The following CDH8 variants were observed in gnomAD, a reference collection of about 807,000 sequenced individuals.
CDH8 encodes cadherin-8.
A neutral mutation model predicts 68.1 loss-of-function variants in CDH8; 17 were observed. The observed-to-expected ratio is 0.25, with a 90% CI of 0.17 to 0.37. The LOEUF is 0.37. Ranked by LOEUF, CDH8 falls within the 10% of genes least tolerant of loss-of-function variation. CDH8 has a pLI of 1.00. For missense variants in CDH8, 763 were observed against 999.3 expected, an observed-to-expected ratio of 0.76 and a Z score of 3.19; for synonymous variants, 372 against 365.1, an observed-to-expected ratio of 1.02 and a Z score of -0.21.
chr16:61,978,032 C>A (rs1172271621), intron 2 of CDH8, among the ~76,000 whole-genome samples: 3 of 152,038 alleles, frequency 2.0e-5, no homozygotes, highest in Non-Finnish European at 2.9e-5. Context: ...AGCTTTTTTT[C>A]ATCTACATTC....
At chr16:61,794,847 G>C (rs961499380) in intron 7 of CDH8, among the ~76,000 whole-genome samples, 6 of 151,970 alleles carry the variant, frequency 3.9e-5, no homozygotes, top group Non-Finnish European at 5.9e-5. Context: ...TTCATATTGA[G>C]TAGTTTATAA....
chr16:61,975,761 GA>G (rs1567553038), intron 2 of CDH8, among the ~76,000 whole-genome samples: 1 of 151,986 alleles, frequency 6.6e-6, no homozygotes. Flanking sequence ...TCCTTTTAAG[GA>G]TATTCTGTTT....
rs535967530 is a variant in CDH8, at chr16:61,765,948, C to G, written c.1414+23398G>C. ...TGCTAGCTCAGTGACCTTGAGGTAA[C>G]CATTTCCTCTCTGCATATTTCAATT... On this transcript the variant is annotated intron_variant, in intron 8 of 11. Coordinates refer to ENST00000577390, the MANE Select transcript of CDH8 (RefSeq NM_001796.5). 5.9e-4 allele frequency among the ~76,000 whole-genome samples: 90 copies of G among 151,970 alleles called. 1 individual carries two copies. Among genetic ancestry groups the G allele is most frequent in the African/African-American group, 2.0e-3 (83 of 41,514 alleles).
At chr16:61,900,748 C>G (rs538116083) in intron 3 of CDH8, among the ~76,000 whole-genome samples, 3 of 152,264 alleles carry the variant, frequency 2.0e-5, no homozygotes, top group Non-Finnish European at 4.4e-5. Flanking sequence ...TAATATCTGG[C>G]TGACTACAGA....
intron 10 of CDH8, among the ~76,000 whole-genome samples, chr16:61,711,852 A>C (rs1255871177): frequency 6.6e-6 from 1 of 151,736 alleles, no homozygotes; most frequent in African/African-American, 2.4e-5. Context: ...TCTCACTTTA[A>C]AACATGTCCC....
intron 2 of CDH8, among the ~76,000 whole-genome samples, chr16:62,015,559 G>C (rs1162045717): frequency 6.6e-6 from 1 of 152,152 alleles, no homozygotes; most frequent in African/African-American, 2.4e-5. Context: ...AAAGAAGCCA[G>C]ATCTCCAAGA....
intron 2 of CDH8, among the ~76,000 whole-genome samples, chr16:61,981,681 T>TGCGCGC (rs1555526842): frequency 2.0e-4 from 28 of 141,856 alleles, no homozygotes; most frequent in African/African-American, 7.6e-4. Context: ...TGTGTGTGTG[T>TGCGCGC]GCGCGCGCGC....
intron 2 of CDH8, among the ~76,000 whole-genome samples, chr16:62,006,618 C>G (rs1206126877): frequency 6.6e-6 from 1 of 152,164 alleles, no homozygotes; most frequent in East Asian, 1.9e-4. Context: ...TTCCACCTCC[C>G]TTGTTCTTTA....
intron 10 of CDH8, among the ~76,000 whole-genome samples, chr16:61,708,080 C>T (rs1029217635): frequency 6.6e-6 from 1 of 152,120 alleles, no homozygotes; most frequent in African/African-American, 2.4e-5. Flanking sequence ...AGATTCTACG[C>T]ACGAAGGCAT....
At chr16:61,908,042 CAAA>C (rs547459147) in intron 2 of CDH8, among the ~76,000 whole-genome samples, 16,064 of 91,248 alleles carry the variant, frequency 0.18, 801 homozygotes, top group Middle Eastern at 0.29. Flanking sequence ...GACTCAGTCT[CAAA>C]AAAAAAAAAA....
chr16:61,860,060 C>T (rs1231737347), intron 3 of CDH8, among the ~76,000 whole-genome samples: 1 of 152,082 alleles, frequency 6.6e-6, no homozygotes, highest in African/African-American at 2.4e-5. Context: ...CCAGGGTGGT[C>T]TCTATCTCGT....
At chr16:61,776,487 A>T (rs1055596305) in intron 8 of CDH8, among the ~76,000 whole-genome samples, 1 of 152,130 alleles carries the variant, frequency 6.6e-6, no homozygotes. Flanking sequence ...AAAGTTGCCA[A>T]CCTGGCCGGG....
intron 8 of CDH8, among the ~76,000 whole-genome samples, chr16:61,783,985 C>T (rs1483862943): frequency 6.6e-6 from 1 of 152,036 alleles, no homozygotes; most frequent in African/African-American, 2.4e-5. Context: ...CAAAATCATG[C>T]CAAAATGTAA....
chr16:61,701,675 G>A (rs1240804695), intron 10 of CDH8, among the ~76,000 whole-genome samples: 1 of 152,128 alleles, frequency 6.6e-6, no homozygotes, highest in Non-Finnish European at 1.5e-5. Context: ...CAAGATACGG[G>A]AAGAGCAAAA....
chr16:61,736,895 T>G (rs1256732628), intron 8 of CDH8, among the ~76,000 whole-genome samples: 1 of 152,180 alleles, frequency 6.6e-6, no homozygotes, highest in East Asian at 1.9e-4. Flanking sequence ...TAACATTCAT[T>G]AAAGATTAAT....
chr16:61,810,906 C>G (rs1199822922), intron 7 of CDH8, among the ~76,000 whole-genome samples: 2 of 151,718 alleles, frequency 1.3e-5, no homozygotes, highest in Admixed American at 6.6e-5. Flanking sequence ...TGCCTGTGTT[C>G]CCAGCTACTC....
rs551948063 is a variant in CDH8, at chr16:61,856,097, A to T, written c.667+1022T>A. The stretch of plus-strand genomic sequence containing the variant: ...GAATTTAAAAGAAAAAAGCAGGGGT[A>T]GTCTTTAAATTTTTAATTTAGTTAA... On this transcript the variant is annotated intron_variant, in intron 4 of 11. Transcript: ENST00000577390. 5.5e-4 allele frequency among the ~76,000 whole-genome samples: 84 copies of T among 152,122 alleles called. 1 individual carries two copies. The highest frequency in any genetic ancestry group is 8.8e-4 in the Non-Finnish European group (60 of 68,014).
At chr16:62,018,536 C>T (rs1307369936) in intron 2 of CDH8, among the ~76,000 whole-genome samples, 3 of 152,202 alleles carry the variant, frequency 2.0e-5, no homozygotes, top group East Asian at 1.9e-4. Context: ...TCTTCGCACT[C>T]AGCCTGACTC....
intron 3 of CDH8, among the ~76,000 whole-genome samples, chr16:61,870,725 C>T (rs1963340128): frequency 1.3e-5 from 2 of 152,142 alleles, no homozygotes. Flanking sequence ...GAGGTCCTGA[C>T]AACATGTGCC....
Sources: gnomAD v4.1 joint callset for allele counts (sites outside exome capture counted in the v4.1 genomes callset) on GRCh38, gnomAD v4.1.1 for gene constraint, MANE v1.5 for transcripts, NCBI Gene and HGNC (gene_info 2026-07-23, HGNC 2026-07-21) for gene names.